Variants in PPP2R2C observed in about 807,000 individuals in gnomAD.
PPP2R2C encodes the protein protein phosphatase 2 regulatory subunit Bgamma.
In PPP2R2C, 10 loss-of-function variants were observed where a neutral mutation model predicts 45.3. The ratio of observed to expected loss-of-function variants is 0.22; its 90% confidence interval spans 0.14 to 0.37. PPP2R2C has a LOEUF of 0.37. PPP2R2C is among the 10% of genes least tolerant of loss of function. The pLI is 1.00. For missense variants in PPP2R2C, 308 were observed against 619.7 expected, an observed-to-expected ratio of 0.50 and a Z score of 5.34; for synonymous variants, 257 against 245.4, an observed-to-expected ratio of 1.05 and a Z score of -0.44.
chr4:6,458,624 A>G (rs533804566), intron 1 of PPP2R2C, among the ~76,000 whole-genome samples: 1 of 152,354 alleles, frequency 6.6e-6, no homozygotes, highest in African/African-American at 2.4e-5. Context: ...GCAAGGAGGC[A>G]GCACAACTAC....
At chr4:6,347,636 G>C (rs1178610863) in intron 6 of PPP2R2C, among the ~76,000 whole-genome samples, 1 of 152,126 alleles carries the variant, frequency 6.6e-6, no homozygotes, top group African/African-American at 2.4e-5. Context: ...GCTGTTCCTG[G>C]CTGTGCAGGG....
At chr4:6,411,099 G>A (rs1467993486) in intron 1 of PPP2R2C, among the ~76,000 whole-genome samples, 1 of 151,968 alleles carries the variant, frequency 6.6e-6, no homozygotes, top group Non-Finnish European at 1.5e-5. Context: ...TTGAACTCCT[G>A]AGCTCAAGTG....
chr4:6,487,711 G>T (rs1722572042), intron 2 of PPP2R2C, among the ~76,000 whole-genome samples: 1 of 151,832 alleles, frequency 6.6e-6, no homozygotes, highest in Non-Finnish European at 1.5e-5. Flanking sequence ...TTTTTATTGT[G>T]CTTGTGGGGC....
intron 6 of PPP2R2C, among the ~76,000 whole-genome samples, chr4:6,340,620 C>T (rs1733371518): frequency 6.6e-6 from 1 of 152,170 alleles, no homozygotes; most frequent in African/African-American, 2.4e-5. Context: ...CCTGCACCGG[C>T]CACTCACTCT....
At chr4:6,543,518 C>T (rs1410085060) in intron 1 of PPP2R2C, among the ~76,000 whole-genome samples, 1 of 152,116 alleles carries the variant, frequency 6.6e-6, no homozygotes, top group Non-Finnish European at 1.5e-5. Context: ...GTCAGGAGTT[C>T]GAGACCAGCC....
At chr4:6,361,683 G>T (rs1175364894) in intron 5 of PPP2R2C, among the ~76,000 whole-genome samples, 6 of 152,222 alleles carry the variant, frequency 3.9e-5, no homozygotes, top group African/African-American at 1.4e-4. Context: ...CACCCCCTGG[G>T]AGGACTAGGA....
chr4:6,384,386 T>C, intron 1 of PPP2R2C: 1 of 985,366 alleles, frequency 1.0e-6, no homozygotes, highest in Non-Finnish European at 1.2e-6. Context: ...TTCTCCAAAA[T>C]GTGAACGGAG....
chr4:6,372,808 G>A, intron 4 of PPP2R2C, 108 bp from the exon 5 acceptor site: 4 of 1,162,588 alleles, frequency 3.4e-6, no homozygotes, highest in East Asian at 2.4e-5. Flanking sequence ...ACAGGGGTGG[G>A]CGTCCATCCT....
intron 1 of PPP2R2C, among the ~76,000 whole-genome samples, chr4:6,436,771 C>T (rs1164481376): frequency 6.6e-6 from 1 of 152,180 alleles, no homozygotes; most frequent in African/African-American, 2.4e-5. Context: ...TAGCCACAGG[C>T]AATACCTAAA....
At chr4:6,435,404 C>T (rs1719842592) in intron 1 of PPP2R2C, among the ~76,000 whole-genome samples, 1 of 152,246 alleles carries the variant, frequency 6.6e-6, no homozygotes, top group Non-Finnish European at 1.5e-5. Flanking sequence ...CAACTTTATA[C>T]TCTTGTTTAG....
At chr4:6,337,113 T>C (rs1291555771) in intron 6 of PPP2R2C, among the ~76,000 whole-genome samples, 1 of 13,512 alleles carries the variant, frequency 7.4e-5, no homozygotes, top group Non-Finnish European at 1.2e-4. Context: ...TGTGTGTGTG[T>C]ATATATATAT....
At chr4:6,462,148 C>G (rs1721359749) in intron 1 of PPP2R2C, among the ~76,000 whole-genome samples, 1 of 152,240 alleles carries the variant, frequency 6.6e-6, no homozygotes, top group Non-Finnish European at 1.5e-5. Context: ...CAGGTCCCAG[C>G]AACCACCTCT....
upstream of PPP2R2C, among the ~76,000 whole-genome samples, chr4:6,476,015 C>T (rs1022225574): frequency 6.6e-6 from 1 of 152,178 alleles, no homozygotes; most frequent in African/African-American, 2.4e-5. Flanking sequence ...AGACAGTGGC[C>T]GCCTGCAAAC....
intron 2 of PPP2R2C, among the ~76,000 whole-genome samples, chr4:6,521,113 C>T (rs1724003814): frequency 6.6e-6 from 1 of 152,202 alleles, no homozygotes; most frequent in African/African-American, 2.4e-5. Flanking sequence ...TGAGGCCACA[C>T]AGCATCGGTG....
intron 1 of PPP2R2C, among the ~76,000 whole-genome samples, chr4:6,454,184 T>C (rs1286660049): frequency 6.6e-6 from 1 of 152,192 alleles, no homozygotes; most frequent in African/African-American, 2.4e-5. Flanking sequence ...GTCTTGGCTC[T>C]GCCCAGGGCG....
chr4:6,563,761 G>A (rs866416334), upstream of PPP2R2C, among the ~76,000 whole-genome samples: 642 of 144,704 alleles, frequency 4.4e-3, 4 homozygotes, highest in African/African-American at 0.015. This position sits in a 1 kb window ranked among gnomAD's most constrained non-coding sequence, Gnocchi z 5.8. Context: ...GGGCGGCTCC[G>A]CAGGCTGCGA....
intron 4 of PPP2R2C, among the ~76,000 whole-genome samples, chr4:6,374,192 G>C (rs1475594422): frequency 1.3e-5 from 2 of 152,172 alleles, no homozygotes; most frequent in Non-Finnish European, 2.9e-5. Context: ...GAAGGGCAGA[G>C]CATCACTGGC....
intron 5 of PPP2R2C, among the ~76,000 whole-genome samples, chr4:6,362,209 G>C (rs4689419): frequency 0.52 from 79,336 of 151,858 alleles, 23,655 homozygotes; most frequent in South Asian, 0.7. Context: ...GGAGTTCTAA[G>C]AGGGAGGGAG....
At chr4:6,466,588 G>A (rs1466011964) in intron 1 of PPP2R2C, among the ~76,000 whole-genome samples, 1 of 152,016 alleles carries the variant, frequency 6.6e-6, no homozygotes, top group Admixed American at 6.6e-5. Flanking sequence ...ATGTCCCTCT[G>A]CTTGGTGGAC....
Sources: allele counts gnomAD v4.1 joint callset (sites outside exome capture counted in the v4.1 genomes callset), GRCh38; gene constraint gnomAD v4.1.1; non-coding constraint Gnocchi (gnomAD v3.1); transcripts MANE v1.5; gene names NCBI Gene and HGNC (gene_info 2026-07-23, HGNC 2026-07-21).